Variants in NUDT4 observed in about 807,000 individuals in gnomAD.
The protein encoded by NUDT4 is nudix hydrolase 4, also known as diphosphoinositol polyphosphate phosphohydrolase 2.
In NUDT4, 5 loss-of-function variants were observed where a neutral mutation model predicts 23.1. The observed-to-expected ratio is 0.22, with a 90% confidence interval of 0.11 to 0.46. NUDT4 has a LOEUF of 0.46. Among genes scored for constraint, NUDT4 ranks in the 20% least tolerant of loss-of-function variants. The pLI is 0.99. For synonymous variants in NUDT4, 50 were observed against 79.0 expected (o/e 0.63, Z 1.95); for missense variants, 96 against 211.6 (o/e 0.45, Z 3.39).
intron 1 of NUDT4, among the ~76,000 whole-genome samples, chr12:93,390,556 T>C (rs1876420750): frequency 6.6e-6 from 1 of 151,922 alleles, no homozygotes; most frequent in East Asian, 1.9e-4. Flanking sequence ...TAATTTTCTT[T>C]TTCTAATTTT....
chr12:93,392,685 C>T (rs866054439), intron 1 of NUDT4, among the ~76,000 whole-genome samples: 8,449 of 55,330 alleles, frequency 0.15, 545 homozygotes, highest in Middle Eastern at 0.24. Context: ...TTTTTTTTTT[C>T]CCCCGAGATG....
Position 93,406,275 on chromosome 12 carries a change from C to CAAAAAAAAAAAAAAAAA in NUDT4, c.*6910_*6926dup, listed in dbSNP as rs58309798. The CAAAAAAAAAAAAAAAAA allele has an allele frequency of 6.3e-4, 24 of 38,000 alleles. No individual in the cohort carries two copies. The highest frequency in any genetic ancestry group is 2.0e-3 in the Admixed American group (4 of 2,042). 2.4% of individuals were successfully genotyped at this position (38,000 alleles called of 1,614,324 possible). A position where few individuals can be genotyped will look rare whatever the true frequency, so the allele number is the denominator to read the frequency against. On this transcript the variant is annotated 3_prime_UTR_variant, in exon 5 of 5. Transcript: ENST00000415493. ...AGAGCTAGAAAGTGGCTAGAGCAGC[C>CAAAAAAAAAAAAAAAAA]AAAAAAAAAAAAAAAAAAAAAAAAA... is the stretch of plus-strand genomic sequence containing the variant.
chr12:93,391,633 A>G lies in NUDT4; in HGVS notation c.100-2976A>G, dbSNP rs111602701. 9.2e-5 allele frequency among the ~76,000 whole-genome samples: 14 copies of G among 151,794 alleles called. 1 individual carries two copies. Among genetic ancestry groups the G allele is most frequent in the African/African-American group, 3.1e-4 (13 of 41,364 alleles). On this transcript the variant is annotated intron_variant, in intron 1 of 4. Coordinates refer to ENST00000415493, the MANE Select transcript of NUDT4 (RefSeq NM_019094.6). ...GTGCCTGTACTCCCAACTGCTCGGG[A>G]AGCTGGAGTGAGAGGATCACTTGAG...
chr12:93,397,865 G>A (rs1312804243), intron 3 of NUDT4, among the ~76,000 whole-genome samples: 5 of 152,232 alleles, frequency 3.3e-5, no homozygotes, highest in African/African-American at 1.2e-4. Flanking sequence ...GCCTGCAGGA[G>A]GAGTGCTTAA....
At chr12:93,384,202 T>C (rs1875899645) in intron 1 of NUDT4, among the ~76,000 whole-genome samples, 1 of 151,522 alleles carries the variant, frequency 6.6e-6, no homozygotes, top group African/African-American at 2.4e-5. Flanking sequence ...TTTTTCTCGC[T>C]CTGTCACCAG....
rs181650724 is a variant in NUDT4, at chr12:93,378,571, C to T, written c.99+150C>T. The T allele has an allele frequency of 1.0e-4, 134 of 1,301,894 alleles. No individual in the cohort carries two copies. In the Admixed American group the frequency reaches 2.2e-3, roughly 21 times the overall value. 80.6% of individuals were successfully genotyped at this position (1,301,894 alleles called of 1,614,324 possible). On this transcript the variant is annotated intron_variant, in intron 1 of 4. Transcript: ENST00000415493. ...CCTCCTTTCCTCCCTCACTCCTTTC[C>T]TCCCTCACTTCTTCCTTCCTTTCTC... is the stretch of plus-strand genomic sequence containing the variant.
In NUDT4 at chr12:93,402,531, A is replaced by G. The variant is rs1877533521; in HGVS notation, c.*3152A>G. 1 of 152,108 alleles carries G rather than the reference A, an allele frequency of 6.6e-6. No homozygotes were observed. Among genetic ancestry groups the G allele is most frequent in the Non-Finnish European group, 1.5e-5 (1 of 68,020 alleles). The allele number at this position is 152,108 out of a possible 1,614,324, so 9.4% of individuals were successfully genotyped here. ...CACCTTTACTGTTCTCCCATTGATG[A>G]TCATATACGTTACCTCTTCCTAGCG... On this transcript the variant is annotated 3_prime_UTR_variant, in exon 5 of 5. Coordinates refer to ENST00000415493, the MANE Select transcript of NUDT4 (RefSeq NM_019094.6).
chr12:93,398,951 CTT>C (rs1361151304), intron 4 of NUDT4, 96 bp downstream of exon 4: 4 of 921,464 alleles, frequency 4.3e-6, no homozygotes, highest in African/African-American at 1.7e-5. Flanking sequence ...TCTGAATACT[CTT>C]TGCTTATATT....
In NUDT4 at chr12:93,403,764, C is replaced by T. The variant is rs1467505022; in HGVS notation, c.*4385C>T. ...ATGCACATTTTATGGAGCTCTAGGA[C>T]AAAAGTCAGGATGAAAAGTAATCTA... On this transcript the variant is annotated 3_prime_UTR_variant, in exon 5 of 5. Transcript: ENST00000415493. 6.6e-6 allele frequency: 1 copy of T among 152,168 alleles called. No individual in the cohort carries two copies. Among genetic ancestry groups the T allele is most frequent in the Non-Finnish European group, 1.5e-5 (1 of 68,018 alleles). The allele number at this position is 152,168 out of a possible 1,614,324, so 9.4% of individuals were successfully genotyped here.
In NUDT4 at chr12:93,402,533, C is replaced by G. The variant is rs1877534184; in HGVS notation, c.*3154C>G. ...CCTTTACTGTTCTCCCATTGATGAT[C>G]ATATACGTTACCTCTTCCTAGCGGT... On this transcript the variant is annotated 3_prime_UTR_variant, in exon 5 of 5. Transcript: ENST00000415493. 6.6e-6 allele frequency: 1 copy of G among 152,170 alleles called. No homozygotes were observed. The highest frequency in any genetic ancestry group is 2.4e-5 in the African/African-American group (1 of 41,422). 9.4% of individuals were successfully genotyped at this position (152,170 alleles called of 1,614,324 possible).
chr12:93,399,347 C>G lies in NUDT4; in HGVS notation c.511C>G (p.Gln171Glu). 1 of 923,592 alleles carries G rather than the reference C, an allele frequency of 1.1e-6. No individual in the cohort carries two copies. Among genetic ancestry groups the G allele is most frequent in the Non-Finnish European group, 1.7e-6 (1 of 583,070 alleles). 57.2% of individuals were successfully genotyped at this position (923,592 alleles called of 1,614,324 possible). A position where few individuals can be genotyped will look rare whatever the true frequency, so the allele number is the denominator to read the frequency against. ...TAATGCCTTGTTTGTAACCGCTGCACAGACCTCTGGGTTGCCATCTAGTGT... is the reference window on the plus strand; with the variant it reads ...TAATGCCTTGTTTGTAACCGCTGCAGAGACCTCTGGGTTGCCATCTAGTGT... ...DNNALFVTAA[Q>E]TSGLPSSVR The change falls in exon 5 of 5, where the codon CAG becomes GAG. Residue 171 changes from glutamine (Q) to glutamate (E), a missense_variant. Physicochemically the swap from Gln to Glu is conservative, Grantham distance 29. Coordinates refer to ENST00000415493, the MANE Select transcript of NUDT4 (RefSeq NM_019094.6).
At position 93,378,388 on chromosome 12, in the gene NUDT4, G is replaced by T. The variant is rs767535799; in HGVS notation, c.66G>T (p.Ala22=). The T allele has an allele frequency of 1.3e-6, 2 of 1,553,694 alleles. No individual in the cohort carries two copies. The highest frequency in any genetic ancestry group is 2.4e-5 in the South Asian group (2 of 84,062). The change falls in exon 1 of 5, where the codon GCG becomes GCT. Residue 22 remains alanine (A), a synonymous_variant. Transcript: ENST00000415493. The part of the protein sequence containing the change: ...YDREGFKKRA[A]CLCFRSEQED... ...GCGAGGGCTTCAAGAAGCGGGCGGC[G>T]TGCCTGTGCTTCCGGAGCGAGCAGG...
At chr12:93,392,526 G>A (rs928165226) in intron 1 of NUDT4, among the ~76,000 whole-genome samples, 21 of 151,482 alleles carry the variant, frequency 1.4e-4, no homozygotes, top group African/African-American at 5.1e-4. Flanking sequence ...CAAAGTGCTA[G>A]GATTACAGGC....
chr12:93,381,705 G>A (rs1288139753), intron 1 of NUDT4, among the ~76,000 whole-genome samples: 1 of 152,158 alleles, frequency 6.6e-6, no homozygotes, highest in Non-Finnish European at 1.5e-5. Context: ...CTGCAGCTTA[G>A]GGATAGCATA....
chr12:93,383,701 G>A (rs189790528), intron 1 of NUDT4, among the ~76,000 whole-genome samples: 1 of 152,278 alleles, frequency 6.6e-6, no homozygotes, highest in Non-Finnish European at 1.5e-5. Context: ...GCGTGGTGGT[G>A]TGTGCCTGTA....
intron 1 of NUDT4, among the ~76,000 whole-genome samples, chr12:93,392,247 C>CG (rs1266835518): frequency 5.9e-5 from 8 of 136,040 alleles, no homozygotes; most frequent in Non-Finnish European, 1.1e-4. Context: ...TTTGTTTCCC[C>CG]CCCCCCCTTT....
intron 1 of NUDT4, among the ~76,000 whole-genome samples, chr12:93,390,753 A>G (rs937481044): frequency 7.2e-5 from 11 of 151,988 alleles, no homozygotes; most frequent in African/African-American, 2.4e-4. Context: ...TTATGGGCAC[A>G]TGTCACCATG....
intron 1 of NUDT4, among the ~76,000 whole-genome samples, chr12:93,387,977 G>A (rs1592719034): frequency 6.6e-6 from 1 of 152,084 alleles, no homozygotes; most frequent in Non-Finnish European, 1.5e-5. Context: ...CCCCCCAGAT[G>A]TGGCCTTGCC....
intron 1 of NUDT4, among the ~76,000 whole-genome samples, chr12:93,387,607 T>C (rs1334723005): frequency 6.6e-6 from 1 of 152,230 alleles, no homozygotes; most frequent in African/African-American, 2.4e-5. Context: ...TAAAAAGTTG[T>C]TAGTGTCCTC....
Sources: gnomAD v4.1 joint callset for allele counts (sites outside exome capture counted in the v4.1 genomes callset) on GRCh38, gnomAD v4.1.1 for gene constraint, MANE v1.5 for transcripts, NCBI Gene and HGNC (gene_info 2026-07-23, HGNC 2026-07-21) for gene names.